Variants in ZMYND8 observed in about 807,000 individuals in gnomAD.
ZMYND8 encodes zinc finger MYND-type containing 8.
In ZMYND8, 37 loss-of-function variants were observed where a neutral mutation model predicts 140.8. The ratio of observed to expected loss-of-function variants is 0.26; its 90% CI spans 0.20 to 0.35. ZMYND8 has a LOEUF of 0.35. ZMYND8 is among the 10% of genes least tolerant of loss of function. The pLI is 1.00. For missense variants in ZMYND8, 1,068 were observed against 1,570.0 expected (o/e 0.68, Z 5.40); for synonymous variants, 592 against 597.1 (o/e 0.99, Z 0.12).
chr20:47,282,452 T>C (rs926634116), intron 9 of ZMYND8, among the ~76,000 whole-genome samples: 3 of 152,120 alleles, frequency 2.0e-5, no homozygotes, highest in African/African-American at 7.2e-5. Flanking sequence ...AGTCCAGGCA[T>C]GGTGGCTCAC....
chr20:47,232,164 G>T (rs57808107), intron 16 of ZMYND8, among the ~76,000 whole-genome samples: 1 of 152,034 alleles, frequency 6.6e-6, no homozygotes, highest in African/African-American at 2.4e-5. Context: ...CTGAGGTCAG[G>T]AGTTCGAGAC....
chr20:47,235,337 C>T (rs1200819711), intron 16 of ZMYND8, among the ~76,000 whole-genome samples: 1 of 152,182 alleles, frequency 6.6e-6, no homozygotes, highest in Non-Finnish European at 1.5e-5. Context: ...ATACACAGCA[C>T]ATCAGTCCAG....
intron 1 of ZMYND8, among the ~76,000 whole-genome samples, chr20:47,355,919 G>A (rs6125001): frequency 6.6e-6 from 1 of 150,870 alleles, no homozygotes; most frequent in East Asian, 1.9e-4. Flanking sequence ...GCTGGCTGTA[G>A]GCTGGCTTGC....
intron 2 of ZMYND8, among the ~76,000 whole-genome samples, chr20:47,321,640 A>G (rs1195869498): frequency 1.3e-5 from 2 of 152,184 alleles, no homozygotes; most frequent in Non-Finnish European, 2.9e-5. Context: ...CCCTGACTTC[A>G]GACTTCAAAG....
intron 11 of ZMYND8, among the ~76,000 whole-genome samples, chr20:47,268,233 C>T (rs1257080831): frequency 6.0e-5 from 9 of 151,068 alleles, no homozygotes; most frequent in Admixed American, 3.3e-4. Context: ...GAGGCAGATG[C>T]ATCACTTGAG....
Position 47,249,387 on chromosome 20 carries a change from T to C in ZMYND8, c.1674A>G (p.Gln558=), listed in dbSNP as rs532864089. 1.2e-6 allele frequency: 2 copies of C among 1,614,190 alleles called. No homozygotes were observed. Among genetic ancestry groups the C allele is most frequent in the East Asian group, 4.5e-5 (2 of 44,872 alleles). The part of the protein sequence containing the change: ...DLKELSESVQ[Q]QSTPVPLISP... ...AGATGAGAGGAACAGGGGTGGACTGTTGCTGGACCGACTCGCTCAGCTCCT... is the reference window on the plus strand; with the variant it reads ...AGATGAGAGGAACAGGGGTGGACTGCTGCTGGACCGACTCGCTCAGCTCCT... The change falls in exon 13 of 23, where the codon CAA becomes CAG. Residue 558 remains glutamine, a synonymous_variant. Coordinates refer to ENST00000471951, the MANE Select transcript of ZMYND8 (RefSeq NM_001281775.3).
intron 17 of ZMYND8, among the ~76,000 whole-genome samples, chr20:47,228,058 G>A (rs144441382): frequency 6.0e-5 from 9 of 150,122 alleles, no homozygotes; most frequent in South Asian, 2.1e-4. Flanking sequence ...ATGCCACTGC[G>A]CTGCAACCTG....
intron 21 of ZMYND8, among the ~76,000 whole-genome samples, chr20:47,219,959 T>TCCAAATGCACTTCTTCTACCCTAC (rs2036700874): frequency 6.6e-6 from 1 of 151,972 alleles, no homozygotes; most frequent in East Asian, 1.9e-4. Flanking sequence ...AACTTCCCAA[T>TCCAAATGCACTTCTTCTACCCTAC]CCAAATGCAC....
intron 1 of ZMYND8, chr20:47,354,530 C>T (rs776295089): frequency 6.6e-6 from 1 of 152,192 alleles, no homozygotes; most frequent in African/African-American, 2.4e-5. Context: ...TGCAGTTTTA[C>T]TCTAAGAAGC....
intron 2 of ZMYND8, among the ~76,000 whole-genome samples, chr20:47,341,476 G>A (rs2081874396): frequency 6.7e-6 from 1 of 149,768 alleles, no homozygotes; most frequent in African/African-American, 2.5e-5. Context: ...GCAGTTAGCT[G>A]AGAGTGCACC....
rs1569073143 is a variant in ZMYND8, at chr20:47,276,625, G to A, written c.1169C>T (p.Thr390Ile). 1 of 1,613,918 alleles carries A rather than the reference G, an allele frequency of 6.2e-7. No individual in the cohort carries two copies. Among genetic ancestry groups the A allele is most frequent in the Admixed American group, 1.7e-5 (1 of 59,996 alleles). Residue 390 changes from threonine to isoleucine, a missense_variant, in exon 11 of 23, where the codon ACA (threonine) becomes ATA (isoleucine). Physicochemically the swap from Thr to Ile is moderately conservative, Grantham distance 89. This residue lies in a region of ZMYND8 where 49 missense variants were observed against 94.1 expected (regional missense o/e 0.52). Transcript: ENST00000471951. ...CAGCATTTGATACTGGCTGTTGGGT[G>A]TGTAGGGTGTCCTAAATGGAGAGTA... ...FNYSPFRTPY[T>I]PNSQYQMLLD...
chr20:47,340,088 GC>G (rs1464065309), intron 2 of ZMYND8, among the ~76,000 whole-genome samples: 1 of 151,976 alleles, frequency 6.6e-6, no homozygotes, highest in Non-Finnish European at 1.5e-5. Flanking sequence ...GATTACAGGT[GC>G]CTGCCACCAC....
At chr20:47,296,150 G>A (rs192262507) in intron 4 of ZMYND8, among the ~76,000 whole-genome samples, 59 of 152,196 alleles carry the variant, frequency 3.9e-4, no homozygotes, top group South Asian at 1.2e-3. Context: ...TCAGAGCCCC[G>A]AATCTTAGAC....
chr20:47,255,563 TGTGTGTGTGTG>T (rs2074542688), intron 12 of ZMYND8, among the ~76,000 whole-genome samples: 1 of 10,582 alleles, frequency 9.5e-5, no homozygotes, highest in Non-Finnish European at 1.7e-4. Context: ...ATATACTCAG[TGTGTGTGTGTG>T]TGTGTGTGTG....
chr20:47,338,084 A>G (rs760482702), intron 2 of ZMYND8, among the ~76,000 whole-genome samples: 1 of 152,120 alleles, frequency 6.6e-6, no homozygotes, highest in Non-Finnish European at 1.5e-5. Context: ...ACACGTTGCC[A>G]GGTTCATAAG....
intron 18 of ZMYND8, 56 bp downstream of exon 18, chr20:47,227,147 C>T: frequency 1.3e-6 from 2 of 1,569,866 alleles, no homozygotes; most frequent in South Asian, 2.2e-5. Flanking sequence ...TCCAGAGGTG[C>T]AAAGAAGTTC....
At chr20:47,295,207 C>T (rs2077562510) in intron 4 of ZMYND8, among the ~76,000 whole-genome samples, 1 of 152,056 alleles carries the variant, frequency 6.6e-6, no homozygotes, top group South Asian at 2.1e-4. Flanking sequence ...AGCCTGGCAA[C>T]ATGATGAAAC....
intron 10 of ZMYND8, among the ~76,000 whole-genome samples, chr20:47,280,118 C>A (rs563766137): frequency 7.5e-6 from 1 of 133,138 alleles, no homozygotes; most frequent in East Asian, 2.2e-4. Flanking sequence ...AACCAAGACT[C>A]TGCTCCAAAA....
intron 2 of ZMYND8, among the ~76,000 whole-genome samples, chr20:47,338,479 T>C (rs1403562037): frequency 6.6e-6 from 1 of 151,178 alleles, no homozygotes; most frequent in Non-Finnish European, 1.5e-5. Context: ...CTGCGGACGC[T>C]GAGATCACTG....
Sources: allele counts gnomAD v4.1 joint callset (sites outside exome capture counted in the v4.1 genomes callset), GRCh38; gene constraint gnomAD v4.1.1; regional missense constraint gnomAD v4.1.1; transcripts MANE v1.5; gene names NCBI Gene and HGNC (gene_info 2026-07-23, HGNC 2026-07-21).